The following CEP112 variants were observed in gnomAD, a reference collection of about 807,000 sequenced individuals.
The protein encoded by CEP112 is centrosomal protein 112.
A neutral mutation model predicts 153.0 loss-of-function variants in CEP112; 127 were observed. The observed-to-expected ratio is 0.83, with a 90% confidence interval of 0.72 to 0.96. The LOEUF is 0.96. Ranked by LOEUF, CEP112 falls within the 40% of genes least tolerant of loss-of-function variation. CEP112 has a pLI of 0.00. For missense variants in CEP112, 1,089 were observed against 1,101.2 expected, an observed-to-expected ratio of 0.99 and a Z score of 0.16; for synonymous variants, 358 against 374.4, an observed-to-expected ratio of 0.96 and a Z score of 0.51.
chr17:65,697,916 A>G (rs1334071464), intron 23 of CEP112, among the ~76,000 whole-genome samples: 2 of 152,166 alleles, frequency 1.3e-5, no homozygotes, highest in African/African-American at 4.8e-5. Context: ...CGCAGCTACT[A>G]CTGCAGAGGC....
intron 20 of CEP112, among the ~76,000 whole-genome samples, chr17:65,864,137 CAA>C (rs71160507): frequency 2.3e-4 from 32 of 137,190 alleles, no homozygotes; most frequent in Non-Finnish European, 2.8e-4. Context: ...TGAGACTCCT[CAA>C]AAAAAAAAAA....
At chr17:66,081,871 C>T (rs1290050639) in intron 8 of CEP112, among the ~76,000 whole-genome samples, 3 of 152,126 alleles carry the variant, frequency 2.0e-5, no homozygotes, top group Admixed American at 1.3e-4. Flanking sequence ...GCCGAGATTG[C>T]GCCACTGCAT....
chr17:66,017,127 C>T (rs2064807220), intron 16 of CEP112, among the ~76,000 whole-genome samples: 1 of 152,156 alleles, frequency 6.6e-6, no homozygotes, highest in African/African-American at 2.4e-5. Context: ...TGTGAACACC[C>T]AAAATCACAA....
intron 4 of CEP112, among the ~76,000 whole-genome samples, chr17:66,164,886 A>ATGTG (rs57252258): frequency 0.078 from 10,728 of 137,320 alleles, 561 homozygotes; most frequent in Non-Finnish European, 0.12. Context: ...ACACACATAT[A>ATGTG]TGTGTGTGTG....
At chr17:66,096,668 T>A (rs1193231013) in intron 6 of CEP112, 36 bp from the exon 7 acceptor site, 4 of 1,348,886 alleles carry the variant, frequency 3.0e-6, no homozygotes, top group Non-Finnish European at 4.2e-6. Flanking sequence ...TAAGGATTTA[T>A]TAATTTTGGA....
intron 17 of CEP112, among the ~76,000 whole-genome samples, chr17:66,002,351 C>T (rs1246198376): frequency 1.3e-5 from 2 of 152,166 alleles, no homozygotes; most frequent in African/African-American, 4.8e-5. Flanking sequence ...ATTCACAAGA[C>T]TATCCCTACA....
intron 9 of CEP112, among the ~76,000 whole-genome samples, chr17:66,068,884 T>C (rs890781245): frequency 6.6e-6 from 1 of 151,980 alleles, no homozygotes; most frequent in African/African-American, 2.4e-5. Flanking sequence ...CTCTCTAACA[T>C]ACTTATGATA....
At chr17:65,697,021 G>C (rs2048393696) in intron 23 of CEP112, among the ~76,000 whole-genome samples, 1 of 152,134 alleles carries the variant, frequency 6.6e-6, no homozygotes, top group South Asian at 2.1e-4. Context: ...TTGACTAAAG[G>C]AGAAGATAAC....
chr17:65,872,948 T>C (rs2058711184), intron 20 of CEP112: 1 of 152,220 alleles, frequency 6.6e-6, no homozygotes, highest in Non-Finnish European at 1.5e-5. Flanking sequence ...AGTTGCATGT[T>C]GTACTTACCG....
Position 65,743,218 on chromosome 17 carries a change from C to A in CEP112, c.2458-1G>T. 6.2e-7 allele frequency: 1 copy of A among 1,603,610 alleles called. No individual in the cohort carries two copies. Among genetic ancestry groups the A allele is most frequent in the South Asian group, 1.1e-5 (1 of 88,916 alleles). On this transcript the variant is annotated splice_acceptor_variant, in intron 22 of 26. Transcript: ENST00000535342. LOFTEE classifies it high-confidence loss of function. ...TGGTTGTCTGAAGTTCTGCTATGATCTAAAATGAAAACAGCATGCTATAAC... is the reference window on the plus strand; with the variant it reads ...TGGTTGTCTGAAGTTCTGCTATGATATAAAATGAAAACAGCATGCTATAAC...
chr17:65,645,332 T>C (rs1290616154), intron 24 of CEP112, among the ~76,000 whole-genome samples: 3 of 152,170 alleles, frequency 2.0e-5, no homozygotes, highest in Admixed American at 6.5e-5. Flanking sequence ...GCCTCCTGAG[T>C]AGTTGGAATT....
intron 17 of CEP112, among the ~76,000 whole-genome samples, chr17:65,992,899 T>G (rs919462975): frequency 1.3e-5 from 2 of 151,640 alleles, no homozygotes; most frequent in Non-Finnish European, 2.9e-5. Context: ...ACTGGAAGGC[T>G]TAATTCTTCC....
chr17:65,826,592 T>C lies in CEP112; in HGVS notation c.2394+25212A>G, dbSNP rs1228447511. The C allele has an allele frequency of 4.0e-6, 5 of 1,238,448 alleles. No individual in the cohort carries two copies. The African/African-American group carries it at 6.3e-5, about 16-fold the overall frequency. The allele number at this position is 1,238,448 out of a possible 1,614,324, so 76.7% of individuals were successfully genotyped here. On this transcript the variant is annotated intron_variant, in intron 21 of 26. Transcript: ENST00000535342. ...GCACACCTTCTTTGTGATTCTGGTC[T>C]CCCAGGGGCAGAAAATAGGAAGCAG...
At chr17:66,083,209 T>A (rs943938251) in intron 8 of CEP112, among the ~76,000 whole-genome samples, 1 of 152,142 alleles carries the variant, frequency 6.6e-6, no homozygotes, top group African/African-American at 2.4e-5. Flanking sequence ...CTCATGATAG[T>A]GAATAAGTCT....
At chr17:66,046,331 C>T (rs2066208650) in intron 12 of CEP112, among the ~76,000 whole-genome samples, 1 of 152,130 alleles carries the variant, frequency 6.6e-6, no homozygotes, top group African/African-American at 2.4e-5. Context: ...CGTGAGCCAC[C>T]ACGCCCGGCC....
In CEP112 at chr17:65,892,670, A is replaced by G. The variant is rs374933930; in HGVS notation, c.2163+9482T>C. Among the ~76,000 whole-genome samples the G allele has an allele frequency of 1.3e-4, 20 of 152,246 alleles. No homozygotes were observed. In the South Asian group the frequency reaches 3.9e-3, roughly 30 times the overall value. On this transcript the variant is annotated intron_variant, in intron 20 of 26. Transcript: ENST00000535342. ...GGAACACACTGCAGCTCTTGAACTC[A>G]TGGCATTTGTCTAACGACAGCTTTG...
chr17:65,749,687 G>A (rs1422847964), intron 22 of CEP112, among the ~76,000 whole-genome samples: 2 of 148,878 alleles, frequency 1.3e-5, no homozygotes, highest in African/African-American at 4.9e-5. Context: ...TGGAAAAATG[G>A]CACCAGTAAT....
intron 17 of CEP112, among the ~76,000 whole-genome samples, chr17:65,996,814 T>C (rs1411786528): frequency 6.6e-6 from 1 of 152,228 alleles, no homozygotes; most frequent in Non-Finnish European, 1.5e-5. Flanking sequence ...CAAAGTAAGA[T>C]TGATAAATTA....
intron 20 of CEP112, among the ~76,000 whole-genome samples, chr17:65,896,776 A>G (rs2059674851): frequency 6.6e-6 from 1 of 152,032 alleles, no homozygotes; most frequent in African/African-American, 2.4e-5. Context: ...CTCTATCAAT[A>G]TTTTGAATAT....
Sources: allele counts gnomAD v4.1 joint callset (sites outside exome capture counted in the v4.1 genomes callset), GRCh38; gene constraint gnomAD v4.1.1; transcripts MANE v1.5; gene names NCBI Gene and HGNC (gene_info 2026-07-23, HGNC 2026-07-21).